Variants in KANSL1 observed in about 807,000 individuals in gnomAD.
KANSL1 encodes MLL1/MLL complex subunit KANSL1.
A neutral mutation model predicts 103.6 loss-of-function variants in KANSL1; 22 were observed. The observed-to-expected ratio is 0.21, with a 90% CI of 0.15 to 0.30. The LOEUF (loss-of-function observed/expected upper bound fraction) is 0.30, where lower values mean the gene tolerates loss of function less well. Ranked by LOEUF, KANSL1 falls within the 10% of genes least tolerant of loss-of-function variation. The pLI is 1.00. For missense variants in KANSL1, 1,337 were observed against 1,399.8 expected (o/e 0.96, Z 0.72); for synonymous variants, 600 against 527.6 (o/e 1.14, Z -1.88).
intron 2 of KANSL1, chr17:46,170,503 A>T: frequency 3.6e-6 from 1 of 281,366 alleles, no homozygotes; most frequent in Non-Finnish European, 6.3e-6. Context: ...AAATCTCAAC[A>T]ATCAGGCCAT....
rs771885571 is a variant in KANSL1, at chr17:46,030,198, TAGA to T, written c.*1275_*1277del. On this transcript the variant is annotated 3_prime_UTR_variant, in exon 15 of 15. Transcript: ENST00000432791. ...TATTCAGAATTTTCAACCTTATAAATAGAAGAAGCACTTTATGCATAGGGATAT... is the reference window on the plus strand; with the variant it reads ...TATTCAGAATTTTCAACCTTATAAATAGAAGCACTTTATGCATAGGGATAT... The T allele has an allele frequency of 2.0e-4, 30 of 152,068 alleles. No individual in the cohort carries two copies. The highest frequency in any genetic ancestry group is 3.4e-3 in the Middle Eastern group (1 of 294). The allele number at this position is 152,068 out of a possible 1,614,324, so 9.4% of individuals were successfully genotyped here.
chr17:46,042,153 C>G (rs1315654175), intron 7 of KANSL1: 1 of 152,322 alleles, frequency 6.6e-6, no homozygotes, highest in Non-Finnish European at 1.5e-5. Flanking sequence ...GATCCACCTG[C>G]CTCGGCCTCC....
At chr17:46,038,136 C>T (rs1251322702) in intron 10 of KANSL1, 1 of 178,374 alleles carries the variant, frequency 5.6e-6, no homozygotes, top group Non-Finnish European at 1.2e-5. Flanking sequence ...GCTTCCAACG[C>T]CCATGGGAAT....
intron 7 of KANSL1, chr17:46,043,915 A>C (rs2146412400): frequency 6.6e-6 from 1 of 151,818 alleles, no homozygotes; most frequent in South Asian, 2.1e-4. Context: ...AGACTTTGTT[A>C]GAAGTTTGCT....
At chr17:46,182,684 T>G (rs1392316150) in intron 1 of KANSL1, among the ~76,000 whole-genome samples, 1 of 152,270 alleles carries the variant, frequency 6.6e-6, no homozygotes, top group Non-Finnish European at 1.5e-5. Context: ...ATATATTCTC[T>G]TAATCTTCAC....
intron 2 of KANSL1, among the ~76,000 whole-genome samples, chr17:46,110,783 G>T (rs937418709): frequency 3.9e-5 from 6 of 152,270 alleles, no homozygotes; most frequent in Admixed American, 6.5e-5. Flanking sequence ...GTTCTGAAAG[G>T]AGAGAAATAA....
chr17:46,031,987 G>GC, intron 14 of KANSL1, 60 bp downstream of exon 14: 2 of 1,609,810 alleles, frequency 1.2e-6, no homozygotes, highest in Non-Finnish European at 1.7e-6. Context: ...AGCAGATGCT[G>GC]CCCCTTCCTG....
Position 46,103,821 on chromosome 17 carries a change from T to G in KANSL1, c.1290-9120A>C, listed in dbSNP as rs558724154. Among the ~76,000 whole-genome samples, 3 of 151,952 alleles carry G rather than the reference T, an allele frequency of 2.0e-5. No individual in the cohort carries two copies. In the East Asian group the frequency reaches 5.8e-4, roughly 29 times the overall value. On this transcript the variant is annotated intron_variant, in intron 2 of 14. Transcript: ENST00000432791. ...TGGGTAGAGCATTTGAGATCAGGAGTTCAAGACCAGCCTGACCAACATGGT... is the reference window on the plus strand; with the variant it reads ...TGGGTAGAGCATTTGAGATCAGGAGGTCAAGACCAGCCTGACCAACATGGT...
rs913846176 is a variant in KANSL1 at position 46,141,193 on chromosome 17, A to G, written c.1289+29662T>C. On this transcript the variant is annotated intron_variant, in intron 2 of 14. Transcript: ENST00000432791. ...GAAAATTGTTTATCTGGTTCTTTGA[A>G]CTGAAAATCCTTTTATATTCCCACC... is the stretch of plus-strand genomic sequence containing the variant. 2.6e-5 allele frequency among the ~76,000 whole-genome samples: 4 copies of G among 152,266 alleles called. No homozygotes were observed. In the East Asian group the frequency reaches 7.7e-4, roughly 29 times the overall value.
chr17:46,056,582 T>C (rs956307316), intron 6 of KANSL1, among the ~76,000 whole-genome samples: 1 of 152,170 alleles, frequency 6.6e-6, no homozygotes, highest in Non-Finnish European at 1.5e-5. Context: ...TAAGTATAGC[T>C]ACTGATAGAA....
chr17:46,158,213 A>G (rs1382097243), intron 2 of KANSL1, among the ~76,000 whole-genome samples: 1 of 152,262 alleles, frequency 6.6e-6, no homozygotes, highest in Non-Finnish European at 1.5e-5. Flanking sequence ...ATAATCTGCA[A>G]TAGTTTTTAA....
At chr17:46,216,566 T>C (rs1348527780) in intron 1 of KANSL1, among the ~76,000 whole-genome samples, 1 of 135,896 alleles carries the variant, frequency 7.4e-6, no homozygotes, top group Non-Finnish European at 1.5e-5. Context: ...GCCACTGCAC[T>C]CCAGCCTGGG....
upstream of KANSL1, among the ~76,000 whole-genome samples, chr17:46,197,983 A>G (rs1292097992): frequency 6.6e-6 from 1 of 152,232 alleles, no homozygotes; most frequent in Non-Finnish European, 1.5e-5. Flanking sequence ...AGAAAAAGCA[A>G]TTATTATATA....
intron 2 of KANSL1, among the ~76,000 whole-genome samples, chr17:46,115,677 T>C (rs1598658678): frequency 6.6e-6 from 1 of 152,246 alleles, no homozygotes; most frequent in Admixed American, 6.5e-5. Context: ...TAGGATACTT[T>C]GACTCTACTC....
intron 2 of KANSL1, among the ~76,000 whole-genome samples, chr17:46,112,206 A>T (rs879686101): frequency 2.6e-5 from 4 of 151,112 alleles, no homozygotes; most frequent in Non-Finnish European, 5.9e-5. Flanking sequence ...ATCTCTACTA[A>T]AAAATAAAAA....
At chr17:46,173,650 A>G (rs1380348189) in intron 1 of KANSL1, among the ~76,000 whole-genome samples, 1 of 152,274 alleles carries the variant, frequency 6.6e-6, no homozygotes, top group Non-Finnish European at 1.5e-5. Flanking sequence ...CAATCAGAGT[A>G]CAAAAACAAA....
intron 2 of KANSL1, among the ~76,000 whole-genome samples, chr17:46,103,688 G>C (rs1422012855): frequency 1.3e-5 from 2 of 152,162 alleles, no homozygotes; most frequent in African/African-American, 4.8e-5. Flanking sequence ...GGATTTTACT[G>C]ACTGTGCCTT....
intron 1 of KANSL1, among the ~76,000 whole-genome samples, chr17:46,176,879 G>A (rs200209203): frequency 1.3e-5 from 2 of 152,210 alleles, no homozygotes; most frequent in East Asian, 3.9e-4. Context: ...AAGGGGGTGG[G>A]GGAGGAGAGA....
At chr17:46,130,318 C>T (rs2043801641) in intron 2 of KANSL1, among the ~76,000 whole-genome samples, 4 of 152,046 alleles carry the variant, frequency 2.6e-5, no homozygotes, top group Non-Finnish European at 5.9e-5. Context: ...TTAAGTGTTT[C>T]CCACGTGATC....
Sources: gnomAD v4.1 joint callset for allele counts (sites outside exome capture counted in the v4.1 genomes callset) on GRCh38, gnomAD v4.1.1 for gene constraint, MANE v1.5 for transcripts, NCBI Gene and HGNC (gene_info 2026-07-23, HGNC 2026-07-21) for gene names.